The following CHLSN variants were observed in gnomAD, a reference collection of about 807,000 sequenced individuals.
CHLSN encodes cholesin.
At chr7:988,307 G>A in the CHLSN span, 3 of 1,605,712 alleles carry the variant, frequency 1.9e-6, no homozygotes, top group East Asian at 4.5e-5. Flanking sequence ...GCTGACCTCG[G>A]TGCTCCTGGA....
At chr7:1,099,876 C>G in the CHLSN span, among the ~76,000 whole-genome samples, 5 of 152,316 alleles carry the variant, frequency 3.3e-5, no homozygotes, top group African/African-American at 1.2e-4. Flanking sequence ...GGCCACGGTG[C>G]AGCAGACGCA....
At chr7:1,114,087 C>T in the CHLSN span, among the ~76,000 whole-genome samples, 1 of 152,236 alleles carries the variant, frequency 6.6e-6, no homozygotes. Flanking sequence ...GTGCCCATGG[C>T]AAGCTTTCCC....
At chr7:1,033,811 G>C in the CHLSN span, among the ~76,000 whole-genome samples, 1 of 152,040 alleles carries the variant, frequency 6.6e-6, no homozygotes, top group Non-Finnish European at 1.5e-5. Flanking sequence ...GGTGCCTCCT[G>C]AGTGAGGGGA....
chr7:1,091,607 G>C, the CHLSN span: 1 of 827,034 alleles, frequency 1.2e-6, no homozygotes, highest in South Asian at 1.8e-5. Flanking sequence ...GGAGTTTCCT[G>C]TCTGACAAAT....
At chr7:983,192 G>A in the CHLSN span, 1 of 1,468,156 alleles carries the variant, frequency 6.8e-7, no homozygotes, top group Non-Finnish European at 9.1e-7. Flanking sequence ...GGGGAGTGGA[G>A]CCTCACCAGC....
chr7:1,002,193 G>GA, the CHLSN span, among the ~76,000 whole-genome samples: 1 of 128,024 alleles, frequency 7.8e-6, no homozygotes. Context: ...TCCTGTGGGT[G>GA]GGGAGTCCTG....
the CHLSN span, among the ~76,000 whole-genome samples, chr7:1,064,073 T>C: frequency 2.6e-5 from 4 of 151,624 alleles, no homozygotes; most frequent in Admixed American, 6.6e-5. Context: ...TAGACAGATG[T>C]GTGTGCCTCA....
At chr7:1,130,214 T>A in the CHLSN span, among the ~76,000 whole-genome samples, 5 of 152,308 alleles carry the variant, frequency 3.3e-5, no homozygotes, top group South Asian at 1.0e-3. Context: ...GACGGAGAAG[T>A]CCAGGGACGG....
chr7:1,108,323 C>T, the CHLSN span, among the ~76,000 whole-genome samples: 4 of 141,696 alleles, frequency 2.8e-5, no homozygotes, highest in South Asian at 2.3e-4. Flanking sequence ...TGGAGTCCCG[C>T]GCCCCGGGAG....
At chr7:1,009,655 T>C in the CHLSN span, among the ~76,000 whole-genome samples, 1 of 152,208 alleles carries the variant, frequency 6.6e-6, no homozygotes, top group Non-Finnish European at 1.5e-5. Flanking sequence ...CCGTGGATTC[T>C]TCCTGTGGTG....
the CHLSN span, among the ~76,000 whole-genome samples, chr7:1,131,582 A>G: frequency 1.3e-5 from 2 of 152,262 alleles, no homozygotes; most frequent in Non-Finnish European, 2.9e-5. Flanking sequence ...GCCAGAGGCT[A>G]CAGATTTCAA....
the CHLSN span, among the ~76,000 whole-genome samples, chr7:1,005,910 G>A: frequency 6.6e-6 from 1 of 152,250 alleles, no homozygotes; most frequent in African/African-American, 2.4e-5. Context: ...CCCGAAAATG[G>A]TGAGCTAAAG....
the CHLSN span, chr7:1,058,266 C>T: frequency 2.6e-6 from 2 of 772,092 alleles, no homozygotes; most frequent in South Asian, 2.7e-5. Context: ...GCCACACTAT[C>T]TGATCCTGCT....
At chr7:1,020,423 T>C in the CHLSN span, among the ~76,000 whole-genome samples, 1 of 152,164 alleles carries the variant, frequency 6.6e-6, no homozygotes, top group Admixed American at 6.5e-5. Context: ...GCCCCCTAGG[T>C]TCGCTTCTCG....
the CHLSN span, chr7:1,058,284 A>G: frequency 2.8e-5 from 22 of 773,500 alleles, no homozygotes; most frequent in Non-Finnish European, 3.1e-5. Flanking sequence ...GCTGGGGCAC[A>G]CGGTCATCAT....
chr7:1,047,338 C>T, the CHLSN span, among the ~76,000 whole-genome samples: 1 of 152,204 alleles, frequency 6.6e-6, no homozygotes, highest in Admixed American at 6.5e-5. Context: ...AGCCAAGTCA[C>T]CTGATTCACT....
the CHLSN span, among the ~76,000 whole-genome samples, chr7:1,131,214 AAG>A: frequency 1.6e-5 from 2 of 128,956 alleles, no homozygotes; most frequent in East Asian, 4.3e-4. Context: ...AAAAAAAAAA[AAG>A]AGTAAAGCAG....
At chr7:1,016,919 G>GCAGGACA in the CHLSN span, among the ~76,000 whole-genome samples, 1 of 77,388 alleles carries the variant, frequency 1.3e-5, no homozygotes, top group African/African-American at 6.6e-5. Flanking sequence ...CCAGCGCACA[G>GCAGGACA]CAGCACACAG....
chr7:1,126,157 G>A, the CHLSN span, among the ~76,000 whole-genome samples: 830 of 149,884 alleles, frequency 5.5e-3, 8 homozygotes, highest in African/African-American at 0.019. Flanking sequence ...TCAGGAGGTC[G>A]AGACCATCCC....
Sources: gnomAD v4.1 joint callset for allele counts (sites outside exome capture counted in the v4.1 genomes callset) on GRCh38, gnomAD v4.1.1 for gene constraint, MANE v1.5 for transcripts, NCBI Gene and HGNC (gene_info 2026-07-23, HGNC 2026-07-21) for gene names.